NLGN3: variants seen among roughly 807,000 people sequenced by gnomAD.
NLGN3 encodes the protein neuroligin-3.
Under a neutral mutation model 42.9 loss-of-function variants are expected in NLGN3, and 11 were observed. That is an observed-to-expected ratio of 0.26 (90% CI 0.16 to 0.42). NLGN3 has a LOEUF of 0.42. Ranked by LOEUF, NLGN3 falls within the 10% of genes least tolerant of loss-of-function variation. The pLI is 1.00. For missense variants in NLGN3, 374 were observed against 733.8 expected (o/e 0.51, Z 5.67); for synonymous variants, 279 against 312.7 (o/e 0.89, Z 1.14).
At chrX:71,162,534 T>G (rs1266084353) in intron 5 of NLGN3, among the ~76,000 whole-genome samples, 1 of 112,235 alleles carries the variant, frequency 8.9e-6, no homozygotes. Flanking sequence ...TTCATCCTCA[T>G]GCAGGCTTTC....
chrX:71,157,831 A>G (rs2092415303), intron 5 of NLGN3, among the ~76,000 whole-genome samples: 1 of 109,986 alleles, frequency 9.1e-6, no homozygotes, highest in Non-Finnish European at 1.9e-5. Flanking sequence ...TGTCCCCTTC[A>G]TTGGCGCCCG....
chrX:71,160,112 C>T (rs1261496638), intron 5 of NLGN3, among the ~76,000 whole-genome samples: 1 of 107,743 alleles, frequency 9.3e-6, no homozygotes, highest in Admixed American at 1.0e-4. Flanking sequence ...TGTTTTGGAC[C>T]CCAGTCACAG....
chrX:71,148,834 T>C lies in NLGN3; in HGVS notation c.458-12T>C. The C allele has an allele frequency of 1.8e-6, 2 of 1,142,612 alleles. No homozygotes were observed. The highest frequency in any genetic ancestry group is 2.3e-6 in the Non-Finnish European group (2 of 860,381). 94.2% of individuals were successfully genotyped at this position (1,142,612 alleles called of 1,213,427 possible). On this transcript the variant is annotated splice_polypyrimidine_tract_variant and intron_variant, in intron 2 of 7. Transcript: ENST00000358741. The stretch of plus-strand genomic sequence containing the variant: ...CCTCCTGTTATTTTTTAGTTTTTTA[T>C]TCATTTTACAGTAAAGCGGATTTCC...
intron 3 of NLGN3, among the ~76,000 whole-genome samples, chrX:71,149,265 A>G (rs781520741): frequency 4.5e-5 from 5 of 111,234 alleles, no homozygotes; most frequent in Non-Finnish European, 9.5e-5. Context: ...GTGGAGCCAG[A>G]AGACCATCCC....
At chrX:71,173,069 C>T (rs1021578119), downstream of NLGN3, among the ~76,000 whole-genome samples, 1 of 109,902 alleles carries the variant, frequency 9.1e-6, no homozygotes, top group Admixed American at 9.7e-5. Context: ...ACCTCGGCCT[C>T]CCAATTGACC....
At chrX:71,162,575 C>G (rs1337768122) in intron 5 of NLGN3, among the ~76,000 whole-genome samples, 1 of 112,218 alleles carries the variant, frequency 8.9e-6, no homozygotes, top group Non-Finnish European at 1.9e-5. Context: ...TCCTCTGGAA[C>G]CTGGGGCTAA....
intron 6 of NLGN3, 113 bp from the exon 7 acceptor site, chrX:71,166,898 C>A: frequency 1.5e-6 from 1 of 680,401 alleles, no homozygotes; most frequent in Non-Finnish European, 2.3e-6. Context: ...AAGAGTTGTT[C>A]CCCCTTCCTA....
At chrX:71,148,613 G>C (rs1317897234) in intron 2 of NLGN3, among the ~76,000 whole-genome samples, 1 of 111,346 alleles carries the variant, frequency 9.0e-6, no homozygotes, top group Non-Finnish European at 1.9e-5. Context: ...TGTGTGGGGG[G>C]TGGGGCAGCA....
At chrX:71,147,235 G>A (rs2092374048) in intron 1 of NLGN3, among the ~76,000 whole-genome samples, 1 of 111,613 alleles carries the variant, frequency 9.0e-6, no homozygotes, top group Non-Finnish European at 1.9e-5. Context: ...CCACCCCCTG[G>A]CTGTCACATG....
Position 71,167,422 on chromosome X carries a change from G to A in NLGN3, c.1325G>A (p.Gly442Asp). 1 of 1,211,239 alleles carries A rather than the reference G, an allele frequency of 8.3e-7. No homozygotes were observed. Among genetic ancestry groups the A allele is most frequent in the Non-Finnish European group, 1.1e-6 (1 of 895,340 alleles). ...TCCAATTTTGTGGACAATCTGTATG[G>A]CTATCCTGAGGGTAAGGACACCCTG... ...SVSNFVDNLY[G>D]YPEGKDTLRE... The change falls in exon 7 of 8, where the codon GGC becomes GAC. Residue 442 changes from glycine to aspartate, a missense_variant. Gly to Asp is a moderately conservative substitution (Grantham distance 94). Transcript: ENST00000358741.
chrX:71,156,472 C>T (rs982568942), intron 5 of NLGN3, among the ~76,000 whole-genome samples: 7 of 110,840 alleles, frequency 6.3e-5, no homozygotes, highest in Non-Finnish European at 1.3e-4. Context: ...TGTCATTCCC[C>T]TACACATACA....
intron 6 of NLGN3, among the ~76,000 whole-genome samples, chrX:71,166,497 C>T (rs915975379): frequency 9.0e-6 from 1 of 110,834 alleles, no homozygotes; most frequent in African/African-American, 3.3e-5. Context: ...AGACCACAGA[C>T]GGGGAGCACA....
chrX:71,150,958 G>C (rs1184239303), intron 3 of NLGN3, among the ~76,000 whole-genome samples: 2 of 111,345 alleles, frequency 1.8e-5, no homozygotes, highest in Non-Finnish European at 3.8e-5. Flanking sequence ...TGAGGTAGAG[G>C]AAAGATTTAG....
intron 5 of NLGN3, among the ~76,000 whole-genome samples, chrX:71,163,539 A>G: frequency 8.9e-6 from 1 of 112,024 alleles, no homozygotes; most frequent in Non-Finnish European, 1.9e-5. Flanking sequence ...GGGATCATCT[A>G]CACTTCCTTT....
chrX:71,151,944 C>G (rs961978663), intron 3 of NLGN3, among the ~76,000 whole-genome samples: 1 of 111,815 alleles, frequency 8.9e-6, no homozygotes, highest in East Asian at 2.8e-4. Context: ...TGTGTTAAGA[C>G]GGTAGGTGCC....
At chrX:71,155,030 C>T (rs1344735210) in intron 4 of NLGN3, among the ~76,000 whole-genome samples, 184 bp from the exon 5 acceptor site, 1 of 112,719 alleles carries the variant, frequency 8.9e-6, no homozygotes, top group East Asian at 2.8e-4. Flanking sequence ...TCACTGAAGC[C>T]CCACTGTCTC....
At chrX:71,160,381 A>G (rs2092426275) in intron 5 of NLGN3, among the ~76,000 whole-genome samples, 1 of 107,364 alleles carries the variant, frequency 9.3e-6, no homozygotes, top group Non-Finnish European at 1.9e-5. Flanking sequence ...CACACCCGGC[A>G]TATTTTTGTA....
intron 1 of NLGN3, among the ~76,000 whole-genome samples, chrX:71,145,413 TC>T (rs1452754304): frequency 2.2e-5 from 2 of 92,553 alleles, no homozygotes; most frequent in Non-Finnish European, 4.2e-5. Flanking sequence ...TGCAACTCCA[TC>T]CCCCAATCCA....
intron 1 of NLGN3, among the ~76,000 whole-genome samples, chrX:71,146,254 G>A (rs1361928091): frequency 7.1e-5 from 7 of 98,355 alleles, no homozygotes; most frequent in East Asian, 3.6e-4. Context: ...GCTGATTGCC[G>A]GGCGTTCCCA....
Sources: allele counts gnomAD v4.1 joint callset (sites outside exome capture counted in the v4.1 genomes callset), GRCh38; gene constraint gnomAD v4.1.1; transcripts MANE v1.5; gene names NCBI Gene and HGNC (gene_info 2026-07-23, HGNC 2026-07-21).